CDH13: variants seen among roughly 807,000 people sequenced by gnomAD.
CDH13 encodes the protein cadherin-13.
Under a neutral mutation model 63.8 loss-of-function variants are expected in CDH13, and 24 were observed. The ratio of observed to expected loss-of-function variants is 0.38; its 90% CI spans 0.27 to 0.53. The LOEUF (loss-of-function observed/expected upper bound fraction) is 0.53. CDH13 is among the 20% of genes least tolerant of loss of function. The probability of loss-of-function intolerance (pLI) is 0.85; values close to 1 mark genes in which losing one functional copy is unlikely to be tolerated. For synonymous variants in CDH13, 503 were observed against 355.3 expected (o/e 1.42, Z -4.67); for missense variants, 1,049 against 903.1 (o/e 1.16, Z -2.07).
intron 5 of CDH13, among the ~76,000 whole-genome samples, chr16:83,298,460 C>G (rs918987457): frequency 3.3e-5 from 5 of 152,130 alleles, no homozygotes; most frequent in Non-Finnish European, 5.9e-5. Flanking sequence ...TTCCTAGGCC[C>G]TACCTCAAGC....
chr16:83,344,787 T>G, intron 5 of CDH13, 75 bp from the exon 6 acceptor site: 3 of 1,541,440 alleles, frequency 1.9e-6, no homozygotes, highest in Non-Finnish European at 2.7e-6. Context: ...TAACCTACTT[T>G]CTCTAGAGAA....
chr16:83,107,485 C>A (rs374735569), intron 3 of CDH13, among the ~76,000 whole-genome samples: 1 of 152,196 alleles, frequency 6.6e-6, no homozygotes, highest in East Asian at 1.9e-4. Context: ...ACCAATGCAG[C>A]CTTCTTTCCA....
intron 6 of CDH13, among the ~76,000 whole-genome samples, chr16:83,392,573 C>A (rs1446141699): frequency 1.2e-4 from 19 of 152,166 alleles, no homozygotes; most frequent in Admixed American, 1.2e-3. Context: ...GAATATTCCA[C>A]CTGTCTTAGG....
chr16:83,646,692 C>CAAAAA (rs199756336), intron 8 of CDH13, among the ~76,000 whole-genome samples: 14 of 72,666 alleles, frequency 1.9e-4, no homozygotes, highest in Non-Finnish European at 2.6e-4. Flanking sequence ...GACTCCGTCT[C>CAAAAA]AAAAAAAAAA....
At chr16:83,054,883 A>C (rs956669840) in intron 3 of CDH13, among the ~76,000 whole-genome samples, 3 of 152,118 alleles carry the variant, frequency 2.0e-5, no homozygotes, top group Non-Finnish European at 4.4e-5. Context: ...ACAAAAACTA[A>C]GGGTATGCAT....
At chr16:83,326,384 A>T (rs930195159) in intron 5 of CDH13, among the ~76,000 whole-genome samples, 1 of 148,768 alleles carries the variant, frequency 6.7e-6, no homozygotes, top group Non-Finnish European at 1.5e-5. Flanking sequence ...GAGAAACATC[A>T]TTGTCCTAAT....
chr16:83,631,802 C>A (rs1313029333), intron 8 of CDH13, among the ~76,000 whole-genome samples: 2 of 152,176 alleles, frequency 1.3e-5, no homozygotes, highest in Non-Finnish European at 2.9e-5. Context: ...ACTGCTGCCG[C>A]CAATGAACTT....
chr16:83,338,693 C>T (rs557523679), intron 5 of CDH13, among the ~76,000 whole-genome samples: 1 of 152,222 alleles, frequency 6.6e-6, no homozygotes, highest in African/African-American at 2.4e-5. Context: ...TGAATAGCGG[C>T]AGCAAGGAAG....
chr16:83,512,856 C>T (rs1380515906), intron 7 of CDH13, among the ~76,000 whole-genome samples: 2 of 151,976 alleles, frequency 1.3e-5, no homozygotes, highest in Non-Finnish European at 2.9e-5. Flanking sequence ...TGATTTGGAA[C>T]CCTGGGAGGT....
At chr16:82,916,357 C>CATTT (rs2041988724) in intron 2 of CDH13, among the ~76,000 whole-genome samples, 1 of 152,000 alleles carries the variant, frequency 6.6e-6, no homozygotes, top group Non-Finnish European at 1.5e-5. Flanking sequence ...GAGTGGATGA[C>CATTT]GAGGTTAGGA....
intron 6 of CDH13, among the ~76,000 whole-genome samples, chr16:83,377,351 A>G (rs958685665): frequency 1.3e-5 from 2 of 152,168 alleles, no homozygotes; most frequent in Non-Finnish European, 2.9e-5. Flanking sequence ...CAGTTCCTAA[A>G]AAGCCTGGTC....
intron 8 of CDH13, among the ~76,000 whole-genome samples, chr16:83,618,279 G>T (rs139914214): frequency 6.8e-4 from 103 of 152,202 alleles, no homozygotes; most frequent in Middle Eastern, 3.4e-3. Flanking sequence ...CAAAAAATTA[G>T]CCAGGCATGG....
At chr16:83,285,723 G>T (rs1017461540) in intron 5 of CDH13, among the ~76,000 whole-genome samples, 6 of 152,116 alleles carry the variant, frequency 3.9e-5, no homozygotes, top group East Asian at 1.9e-4. Flanking sequence ...TGGTGTTTGT[G>T]GGGGAGGGAT....
chr16:82,858,969 A>G (rs574541264), intron 2 of CDH13: 2 of 156,910 alleles, frequency 1.3e-5, no homozygotes, highest in South Asian at 4.1e-4. Context: ...AGAAAGATTC[A>G]AAACCTCTAC....
intron 2 of CDH13, among the ~76,000 whole-genome samples, chr16:82,876,074 C>T (rs777228103): frequency 6.6e-5 from 10 of 152,164 alleles, no homozygotes; most frequent in Non-Finnish European, 1.2e-4. Flanking sequence ...TTCACTATCA[C>T]GAGAACAGTA....
rs749929331 is a variant in CDH13, at chr16:82,627,068, C to T, written c.-25C>T. The stretch of plus-strand genomic sequence containing the variant: ...CAGCCGCGTGCATGAATGAAAACGC[C>T]GCCGGGCGCTTCTAGTCGGACAAAA... On this transcript the variant is annotated 5_prime_UTR_variant, in exon 1 of 14. Coordinates refer to ENST00000567109, the MANE Select transcript of CDH13 (RefSeq NM_001257.5). 1.9e-6 allele frequency: 3 copies of T among 1,586,070 alleles called. No individual in the cohort carries two copies. Among genetic ancestry groups the T allele is most frequent in the Admixed American group, 3.5e-5 (2 of 56,388 alleles).
At chr16:82,966,427 G>A (rs1451621148) in intron 2 of CDH13, among the ~76,000 whole-genome samples, 5 of 152,222 alleles carry the variant, frequency 3.3e-5, no homozygotes, top group Non-Finnish European at 1.5e-5. Flanking sequence ...GATTACAGGC[G>A]TGAGCCAGCG....
intron 7 of CDH13, among the ~76,000 whole-genome samples, chr16:83,491,837 A>G (rs71402087): frequency 1.3e-5 from 2 of 152,096 alleles, no homozygotes; most frequent in African/African-American, 4.8e-5. Flanking sequence ...TCAGCTGGTA[A>G]CGCACTTTCT....
intron 6 of CDH13, among the ~76,000 whole-genome samples, chr16:83,416,623 C>T (rs1390401045): frequency 1.3e-5 from 2 of 152,170 alleles, no homozygotes; most frequent in East Asian, 1.9e-4. Flanking sequence ...AATCTCTGAC[C>T]TCCCTCCTGA....
Sources: gnomAD v4.1 joint callset for allele counts (sites outside exome capture counted in the v4.1 genomes callset) on GRCh38, gnomAD v4.1.1 for gene constraint, MANE v1.5 for transcripts, NCBI Gene and HGNC (gene_info 2026-07-23, HGNC 2026-07-21) for gene names.